The following MTDH variants were observed in gnomAD, a reference collection of about 807,000 sequenced individuals.
The protein encoded by MTDH is metadherin, also known as protein LYRIC.
Under a neutral mutation model 72.7 loss-of-function variants are expected in MTDH, and 34 were observed. The ratio of observed to expected loss-of-function variants is 0.47; its 90% CI spans 0.36 to 0.62. The LOEUF is 0.62. Ranked by LOEUF, MTDH falls within the 20% of genes least tolerant of loss-of-function variation. MTDH has a pLI of 0.00. For synonymous variants in MTDH, 266 were observed against 268.9 expected (o/e 0.99, Z 0.10); for missense variants, 677 against 699.4 (o/e 0.97, Z 0.36).
chr8:97,687,160 A>C (rs1320779821), intron 3 of MTDH, among the ~76,000 whole-genome samples: 1 of 152,154 alleles, frequency 6.6e-6, no homozygotes, highest in Non-Finnish European at 1.5e-5. Context: ...AAAGATAGAC[A>C]AGATGACTTA....
intron 9 of MTDH, among the ~76,000 whole-genome samples, chr8:97,717,629 C>G (rs1225494974): frequency 1.3e-4 from 20 of 148,236 alleles, no homozygotes; most frequent in Admixed American, 1.2e-3. Context: ...TTATCCCCCC[C>G]CCCCCAAAAA....
chr8:97,721,648 G>T (rs984099176), intron 10 of MTDH, among the ~76,000 whole-genome samples: 3 of 152,178 alleles, frequency 2.0e-5, no homozygotes, highest in African/African-American at 7.2e-5. Context: ...GCTAATAGGT[G>T]AAATGATCTA....
At chr8:97,670,132 T>C (rs1812553279) in intron 2 of MTDH, among the ~76,000 whole-genome samples, 1 of 151,872 alleles carries the variant, frequency 6.6e-6, no homozygotes, top group African/African-American at 2.4e-5. Flanking sequence ...TTGGGCAACA[T>C]GGCGAAACCT....
intron 2 of MTDH, among the ~76,000 whole-genome samples, chr8:97,664,909 C>T (rs746340518): frequency 6.6e-6 from 1 of 152,102 alleles, no homozygotes; most frequent in Non-Finnish European, 1.5e-5. Flanking sequence ...TATAGGCACG[C>T]ACCACCACGC....
intron 8 of MTDH, among the ~76,000 whole-genome samples, chr8:97,707,846 C>T (rs1055069152): frequency 6.6e-6 from 1 of 150,494 alleles, no homozygotes; most frequent in African/African-American, 2.4e-5. Flanking sequence ...ATAGCAAGAC[C>T]CCATCTCTTA....
intron 7 of MTDH, 54 bp downstream of exon 7, chr8:97,699,906 A>T: frequency 8.8e-7 from 1 of 1,134,698 alleles, no homozygotes; most frequent in Non-Finnish European, 1.3e-6. Context: ...TCTTTCTAGC[A>T]CCCTGAATTC....
At chr8:97,687,735 A>C in intron 4 of MTDH, 130 bp downstream of exon 4, 1 of 748,372 alleles carries the variant, frequency 1.3e-6, no homozygotes, top group Non-Finnish European at 2.0e-6. Context: ...ACCCTTCTTC[A>C]TGAGAGTATT....
At chr8:97,645,654 G>A (rs976225688) in intron 1 of MTDH, among the ~76,000 whole-genome samples, 1 of 152,216 alleles carries the variant, frequency 6.6e-6, no homozygotes, top group Non-Finnish European at 1.5e-5. Flanking sequence ...GCCGAGAGAG[G>A]AATTCAGGCA....
chr8:97,690,765 A>C (rs1199595854), intron 5 of MTDH, among the ~76,000 whole-genome samples, 187 bp from the exon 6 acceptor site: 8 of 152,214 alleles, frequency 5.3e-5, no homozygotes, highest in Non-Finnish European at 1.0e-4. Flanking sequence ...TCTGCTGTGA[A>C]CAACTTTGTT....
At chr8:97,711,902 A>G (rs1334522948) in intron 8 of MTDH, among the ~76,000 whole-genome samples, 1 of 152,260 alleles carries the variant, frequency 6.6e-6, no homozygotes, top group African/African-American at 2.4e-5. Flanking sequence ...TGCAGAAAGC[A>G]AAACTGCAAA....
intron 8 of MTDH, among the ~76,000 whole-genome samples, chr8:97,710,949 A>T (rs1814604848): frequency 6.6e-6 from 1 of 151,882 alleles, no homozygotes; most frequent in Non-Finnish European, 1.5e-5. Context: ...GCAGTGAGCC[A>T]AGATGGCACC....
chr8:97,644,631 T>A lies in MTDH; in HGVS notation c.125T>A (p.Leu42Gln), dbSNP rs1563514110. The A allele has an allele frequency of 6.2e-7, 1 of 1,610,012 alleles. No homozygotes were observed. Among genetic ancestry groups the A allele is most frequent in the Non-Finnish European group, 8.5e-7 (1 of 1,179,198 alleles). ...LRTELGLDLG[L>Q]EPKRYPGWVI... ...ACCGAGCTGGGCCTCGACCTGGGGC[T>A]GGAGCCGAAACGGTACCCCGGCTGG... The change falls in exon 1 of 12, where the codon CTG becomes CAG. Residue 42 changes from leucine (L) to glutamine (Q), a missense_variant. By Grantham distance (113) the Leu-to-Gln change is moderately radical. This residue lies in a region of MTDH where 467 missense variants were observed against 469.1 expected (regional missense o/e 1.00). Coordinates refer to ENST00000336273, the MANE Select transcript of MTDH (RefSeq NM_178812.4).
At chr8:97,682,210 G>GGGTGTTCTT (rs1379318650) in intron 2 of MTDH, among the ~76,000 whole-genome samples, 1 of 102,616 alleles carries the variant, frequency 9.7e-6, no homozygotes, top group Non-Finnish European at 1.9e-5. Flanking sequence ...TTATCGGGAT[G>GGGTGTTCTT]GGTGTTCTTG....
chr8:97,678,756 A>G (rs1347489090), intron 2 of MTDH, among the ~76,000 whole-genome samples: 3 of 151,914 alleles, frequency 2.0e-5, no homozygotes, highest in African/African-American at 7.3e-5. Context: ...CTTTTATGAA[A>G]AATGAAGTGT....
intron 2 of MTDH, among the ~76,000 whole-genome samples, chr8:97,675,715 T>C (rs1240540289): frequency 6.6e-6 from 1 of 151,664 alleles, no homozygotes; most frequent in African/African-American, 2.4e-5. Context: ...CTTCAAAAAA[T>C]ACAAAAATTA....
At chr8:97,646,737 A>G (rs1811579015) in intron 1 of MTDH, among the ~76,000 whole-genome samples, 1 of 152,222 alleles carries the variant, frequency 6.6e-6, no homozygotes, top group Non-Finnish European at 1.5e-5. Flanking sequence ...ATTCGAGTTA[A>G]GGAAGTGGGG....
chr8:97,668,457 A>G (rs1447898224), intron 2 of MTDH, among the ~76,000 whole-genome samples: 1 of 152,204 alleles, frequency 6.6e-6, no homozygotes, highest in Admixed American at 6.5e-5. Flanking sequence ...GGGCCAAAAA[A>G]AAAGAAAGAA....
chr8:97,708,581 CTTTTTTTTTTTTTTTTTTTTTTTTTT>C (rs1174573079), intron 8 of MTDH, among the ~76,000 whole-genome samples: 1 of 30,238 alleles, frequency 3.3e-5, no homozygotes, highest in African/African-American at 2.5e-4. Flanking sequence ...CATGCCAGGC[CTTTTTTTTTTTTTTTTTTTTTTTTTT>C]TTTTTTTTTT....
intron 3 of MTDH, 117 bp from the exon 4 acceptor site, chr8:97,687,312 C>T: frequency 1.2e-6 from 1 of 813,622 alleles, no homozygotes; most frequent in Non-Finnish European, 1.8e-6. Flanking sequence ...TTGGTTTTAG[C>T]TTAACATCTA....
Sources: allele counts gnomAD v4.1 joint callset (sites outside exome capture counted in the v4.1 genomes callset), GRCh38; gene constraint gnomAD v4.1.1; regional missense constraint gnomAD v4.1.1; transcripts MANE v1.5; gene names NCBI Gene and HGNC (gene_info 2026-07-23, HGNC 2026-07-21).